Variants in ITGB1 observed in about 807,000 individuals in gnomAD.
The protein encoded by ITGB1 is integrin beta-1.
A neutral mutation model predicts 86.5 loss-of-function variants in ITGB1; 24 were observed. The observed-to-expected ratio is 0.28, with a 90% CI of 0.20 to 0.39. The LOEUF (loss-of-function observed/expected upper bound fraction) is 0.39, where lower values mean the gene tolerates loss of function less well. Among genes scored for constraint, ITGB1 ranks in the 10% least tolerant of loss-of-function variants. The pLI is 1.00. For missense variants in ITGB1, 556 were observed against 946.9 expected, an observed-to-expected ratio of 0.59 and a Z score of 5.42; for synonymous variants, 323 against 316.8, an observed-to-expected ratio of 1.02 and a Z score of -0.21.
intron 15 of ITGB1, among the ~76,000 whole-genome samples, chr10:32,903,684 A>G (rs2094888635): frequency 6.6e-6 from 1 of 152,152 alleles, no homozygotes; most frequent in South Asian, 2.1e-4. Context: ...CTCAGAGACA[A>G]ACAGCATATA....
rs2094939889 is a variant in ITGB1 at position 32,918,790 on chromosome 10, A to G, written c.1469+1095T>C. Reference sequence around the variant, plus strand: ...TTTAAAGCAATGGTCTGTTAACCTAAAAAAATACAATAAACACATGCAAAA... The same window carrying G: ...TTTAAAGCAATGGTCTGTTAACCTAGAAAAATACAATAAACACATGCAAAA... On this transcript the variant is annotated intron_variant, in intron 11 of 15. Coordinates refer to ENST00000302278, the MANE Select transcript of ITGB1 (RefSeq NM_002211.4). Among the ~76,000 whole-genome samples, 4 of 152,302 alleles carry G rather than the reference A, an allele frequency of 2.6e-5. No individual in the cohort carries two copies. In the South Asian group the frequency reaches 8.3e-4, roughly 32 times the overall value.
chr10:32,951,762 TGAG>T (rs1008662949), intron 1 of ITGB1: 17 of 152,126 alleles, frequency 1.1e-4, no homozygotes, highest in African/African-American at 4.8e-5. Flanking sequence ...CCTTTCCCTG[TGAG>T]GAGGAAAGAA....
chr10:32,953,679 C>G (rs558061508), intron 1 of ITGB1: 1 of 152,288 alleles, frequency 6.6e-6, no homozygotes, highest in East Asian at 1.9e-4. Flanking sequence ...TGGAAACCAA[C>G]GCTCTGGAAG....
Position 32,920,351 on chromosome 10 carries a change from T to C in ITGB1, c.1163A>G (p.Lys388Arg), listed in dbSNP as rs775130521. 13 of 1,613,428 alleles carry C rather than the reference T, an allele frequency of 8.1e-6. No individual in the cohort carries two copies. The highest frequency in any genetic ancestry group is 2.7e-5 in the African/African-American group (2 of 74,928). ...ACTTATTGTTACGCCTTCTGACAAT[T>C]TGCCGTTTTCCAAAATGACTTCTGA... The part of the protein sequence containing the change: ...LSSEVILENG[K>R]LSEGVTISYK... Residue 388 changes from lysine (K) to arginine (R), a missense_variant, in exon 10 of 16, where the codon AAA becomes AGA. Physicochemically the swap from Lys to Arg is conservative, Grantham distance 26 (BLOSUM62 2). Coordinates refer to ENST00000302278, the MANE Select transcript of ITGB1 (RefSeq NM_002211.4).
chr10:32,908,352 A>C lies in ITGB1; in HGVS notation c.2331+16T>G. 6.2e-7 allele frequency: 1 copy of C among 1,613,400 alleles called. No individual in the cohort carries two copies. Among genetic ancestry groups the C allele is most frequent in the Non-Finnish European group, 8.5e-7 (1 of 1,179,402 alleles). On this transcript the variant is annotated intron_variant, in intron 15 of 15. Coordinates refer to ENST00000302278, the MANE Select transcript of ITGB1 (RefSeq NM_002211.4). ...CTTTATAAGCCACTTTGCTTTTTGG[A>C]TGTTTTGTAACTTACCGTGTCCCAT...
At chr10:32,946,995 C>T (rs1173704726) in intron 1 of ITGB1, among the ~76,000 whole-genome samples, 1 of 151,970 alleles carries the variant, frequency 6.6e-6, no homozygotes, top group African/African-American at 2.4e-5. Context: ...AGGCATGTGC[C>T]ACCACGGCTG....
chr10:32,907,882 A>G (rs529241734), intron 15 of ITGB1, among the ~76,000 whole-genome samples: 7 of 152,196 alleles, frequency 4.6e-5, no homozygotes, highest in Non-Finnish European at 1.0e-4. Flanking sequence ...AAAGTTTACA[A>G]ATTTGTGTTG....
In ITGB1 at chr10:32,928,494, T is replaced by A. The variant is rs182709522; in HGVS notation, c.377-230A>T. 1.8e-4 allele frequency among the ~76,000 whole-genome samples: 27 copies of A among 152,254 alleles called. No individual in the cohort carries two copies. In the East Asian group the frequency reaches 5.2e-3, roughly 29 times the overall value. On this transcript the variant is annotated intron_variant, in intron 4 of 15. Transcript: ENST00000302278. ...TCAGGATGCAAAGATAAAAAAGATA[T>A]TCCCAATCCACAGTGGACAAAACAG...
intron 5 of ITGB1, 35 bp from the exon 6 acceptor site, chr10:32,926,144 T>A: frequency 7.7e-7 from 1 of 1,295,254 alleles, no homozygotes; most frequent in Non-Finnish European, 1.1e-6. Context: ...AATGAATGAA[T>A]GGATGGATAG....
At chr10:32,917,003 T>G (rs1452659371) in intron 11 of ITGB1, among the ~76,000 whole-genome samples, 1 of 150,650 alleles carries the variant, frequency 6.6e-6, no homozygotes, top group Non-Finnish European at 1.5e-5. Context: ...GATATAGACC[T>G]ATGGAACAGA....
intron 15 of ITGB1, among the ~76,000 whole-genome samples, chr10:32,903,020 G>T (rs1233550703): frequency 6.6e-6 from 1 of 152,034 alleles, no homozygotes; most frequent in African/African-American, 2.4e-5. Context: ...AAAAGAATGG[G>T]ACATTTAAGT....
chr10:32,923,537 T>G, intron 7 of ITGB1, 48 bp downstream of exon 7: 1 of 1,527,724 alleles, frequency 6.5e-7, no homozygotes, highest in Non-Finnish European at 8.9e-7. Context: ...TATTAAACAT[T>G]AAAATCCAAC....
intron 1 of ITGB1, among the ~76,000 whole-genome samples, chr10:32,936,917 G>C (rs2095003804): frequency 6.6e-6 from 1 of 152,156 alleles, no homozygotes; most frequent in Non-Finnish European, 1.5e-5. Context: ...AGATGAACTA[G>C]CAAAAATAGA....
rs899776513 is a variant in ITGB1, at chr10:32,942,685, T to C, written c.1-7127A>G. Among the ~76,000 whole-genome samples the C allele has an allele frequency of 9.0e-4, 91 of 101,470 alleles. 2 individuals are homozygous for C. The highest frequency in any genetic ancestry group is 6.2e-4 in the Admixed American group (6 of 9,686). The allele number at this position is 101,470 out of a possible 152,430, so 66.6% of individuals were successfully genotyped here. ...CTCGACCCTGTCTCTCTCTCTCTCTTTTTTTTTTTTTTGGGGGGAGACAGG... is the reference window on the plus strand; with the variant it reads ...CTCGACCCTGTCTCTCTCTCTCTCTCTTTTTTTTTTTTGGGGGGAGACAGG... On this transcript the variant is annotated intron_variant, in intron 1 of 15. Coordinates refer to ENST00000302278, the MANE Select transcript of ITGB1 (RefSeq NM_002211.4).
At position 32,923,711 on chromosome 10, in the gene ITGB1, C is replaced by T; in HGVS notation, c.816G>A (p.Arg272=). 6.2e-7 allele frequency: 1 copy of T among 1,613,504 alleles called. No homozygotes were observed. Among genetic ancestry groups the T allele is most frequent in the Non-Finnish European group, 8.5e-7 (1 of 1,179,710 alleles). ...CGGCATCTGTGGAAAACACCAGCAG[C>T]CGTGTAACATTCCTCCAGCCAATCA... is the stretch of plus-strand genomic sequence containing the variant. The part of the protein sequence containing the change: ...GSLIGWRNVT[R]LLVFSTDAGF... The change falls in exon 7 of 16, where the codon CGG becomes CGA. Residue 272 remains arginine, a synonymous_variant. Coordinates refer to ENST00000302278, the MANE Select transcript of ITGB1 (RefSeq NM_002211.4).
intron 1 of ITGB1, chr10:32,951,732 T>C (rs1422436627): frequency 1.3e-5 from 2 of 152,228 alleles, no homozygotes; most frequent in African/African-American, 4.8e-5. Flanking sequence ...TTCCACTCTC[T>C]ATGCCTGCGG....
At chr10:32,926,736 A>G (rs2094966170) in intron 5 of ITGB1, among the ~76,000 whole-genome samples, 1 of 150,654 alleles carries the variant, frequency 6.6e-6, no homozygotes, top group Admixed American at 6.6e-5. Context: ...ATGTCTTTAT[A>G]GCAACGTAAG....
At chr10:32,903,028 A>G (rs1456391665) in intron 15 of ITGB1, among the ~76,000 whole-genome samples, 1 of 151,998 alleles carries the variant, frequency 6.6e-6, no homozygotes, top group Non-Finnish European at 1.5e-5. Flanking sequence ...GGGACATTTA[A>G]GTAGAAATAC....
At chr10:32,921,026 A>C (rs750825022) in intron 9 of ITGB1, among the ~76,000 whole-genome samples, 36 of 151,822 alleles carry the variant, frequency 2.4e-4, no homozygotes, top group East Asian at 7.8e-4. Context: ...CCAAAAAAAA[A>C]CGAAATAAAT....
Sources: allele counts gnomAD v4.1 joint callset (sites outside exome capture counted in the v4.1 genomes callset), GRCh38; gene constraint gnomAD v4.1.1; transcripts MANE v1.5; gene names NCBI Gene and HGNC (gene_info 2026-07-23, HGNC 2026-07-21).